Variants in AOX1 observed in about 807,000 individuals in gnomAD.
AOX1 encodes the protein aldehyde oxidase 1.
A neutral mutation model predicts 169.5 loss-of-function variants in AOX1; 153 were observed. The ratio of observed to expected loss-of-function variants is 0.90; its 90% confidence interval spans 0.79 to 1.03. The LOEUF is 1.03. Ranked by LOEUF, AOX1 falls within the 50% of genes least tolerant of loss-of-function variation. The pLI is 0.00. For synonymous variants in AOX1, 562 were observed against 581.9 expected, an observed-to-expected ratio of 0.97 and a Z score of 0.49; for missense variants, 1,656 against 1,663.9, an observed-to-expected ratio of 1.00 and a Z score of 0.08.
Position 200,662,906 on chromosome 2 carries a change from A to G in AOX1, c.3480A>G (p.Glu1160=). Residue 1160 remains glutamate, a synonymous_variant, in exon 31 of 35, where the codon GAA becomes GAG. Coordinates refer to ENST00000374700, the MANE Select transcript of AOX1 (RefSeq NM_001159.4). ...NWEKGEGQPF[E]YFVYGAACSE... is the part of the protein sequence containing the mutation. ...AGAAAGGCGAAGGCCAGCCCTTCGA[A>G]TACTTTGTTTATGGAGCTGCCTGTT... 2.5e-6 allele frequency: 4 copies of G among 1,614,074 alleles called. No individual in the cohort carries two copies. The highest frequency in any genetic ancestry group is 3.4e-6 in the Non-Finnish European group (4 of 1,179,956).
chr2:200,606,286 A>G (rs2034512111), intron 10 of AOX1, among the ~76,000 whole-genome samples: 1 of 152,102 alleles, frequency 6.6e-6, no homozygotes, highest in South Asian at 2.1e-4. Context: ...CAAAGATCAG[A>G]TGGTTGTGGA....
At chr2:200,654,585 A>G (rs1488088028) in intron 26 of AOX1, among the ~76,000 whole-genome samples, 1 of 152,216 alleles carries the variant, frequency 6.6e-6, no homozygotes, top group African/African-American at 2.4e-5. Context: ...TGGCACAGAC[A>G]GGACCTAACC....
intron 18 of AOX1, among the ~76,000 whole-genome samples, chr2:200,621,826 C>T (rs1337726570): frequency 1.3e-5 from 2 of 152,070 alleles, no homozygotes; most frequent in Non-Finnish European, 2.9e-5. Flanking sequence ...GATCTTGGCT[C>T]ACTGCAACAT....
chr2:200,604,724 C>A lies in AOX1; in HGVS notation c.698C>A (p.Thr233Asn), dbSNP rs751391665. 6.2e-7 allele frequency: 1 copy of A among 1,613,986 alleles called. No individual in the cohort carries two copies. Among genetic ancestry groups the A allele is most frequent in the South Asian group, 1.1e-5 (1 of 91,062 alleles). Reference protein sequence around the residue: ...MIMAEKQSQRTRVFGSERMMW... With the variant: ...MIMAEKQSQRNRVFGSERMMW... ...ATGGCTGAGAAACAGTCGCAAAGGA[C>A]CAGGGTGTTTGGCAGTGAGAGAATG... Residue 233 changes from threonine to asparagine, a missense_variant, in exon 9 of 35, where the codon ACC becomes AAC. Coordinates refer to ENST00000374700, the MANE Select transcript of AOX1 (RefSeq NM_001159.4).
chr2:200,600,287 C>T (rs537457290), intron 5 of AOX1, among the ~76,000 whole-genome samples: 13 of 152,166 alleles, frequency 8.5e-5, no homozygotes, highest in Non-Finnish European at 1.9e-4. Flanking sequence ...CCACATGCTG[C>T]TCCCTCACCA....
chr2:200,622,460 C>T (rs2034906404), intron 18 of AOX1, among the ~76,000 whole-genome samples: 1 of 152,226 alleles, frequency 6.6e-6, no homozygotes, highest in Admixed American at 6.5e-5. Context: ...TAATTTGAAA[C>T]AGTCCCTTCC....
chr2:200,594,356 C>T (rs776433784), intron 2 of AOX1, among the ~76,000 whole-genome samples: 3 of 152,102 alleles, frequency 2.0e-5, no homozygotes, highest in Non-Finnish European at 2.9e-5. Context: ...AACAGGGTCC[C>T]TTGGTCAGTT....
chr2:200,681,782 A>G (rs1294720348), downstream of AOX1, among the ~76,000 whole-genome samples: 2 of 152,208 alleles, frequency 1.3e-5, no homozygotes, highest in African/African-American at 4.8e-5. Context: ...ATATTTGGGT[A>G]GCATATGCTT....
At chr2:200,640,208 G>C (rs970696449) in intron 23 of AOX1, among the ~76,000 whole-genome samples, 3 of 152,112 alleles carry the variant, frequency 2.0e-5, no homozygotes, top group Admixed American at 6.6e-5. Flanking sequence ...GTAAAAAATA[G>C]GATTGATGGG....
intron 20 of AOX1, among the ~76,000 whole-genome samples, chr2:200,634,527 C>T (rs1270964163): frequency 2.0e-5 from 3 of 152,158 alleles, no homozygotes; most frequent in African/African-American, 7.2e-5. Context: ...TGAATCAAGA[C>T]CCCTCTGCTT....
At chr2:200,634,941 A>G (rs1319580487) in intron 21 of AOX1, 26 bp downstream of exon 21, 9 of 1,609,276 alleles carry the variant, frequency 5.6e-6, no homozygotes, top group Non-Finnish European at 7.6e-6. Context: ...TGTGGAGAGG[A>G]CATGGCTAAA....
At chr2:200,673,434 A>G (rs1255758528), downstream of AOX1, among the ~76,000 whole-genome samples, 2 of 152,196 alleles carry the variant, frequency 1.3e-5, no homozygotes, top group Non-Finnish European at 2.9e-5. Context: ...GCACACATCT[A>G]TTCAGGCACG....
At chr2:200,595,213 G>T in intron 2 of AOX1, 59 bp from the exon 3 acceptor site, 1 of 1,314,818 alleles carries the variant, frequency 7.6e-7, no homozygotes, top group Non-Finnish European at 1.1e-6. Flanking sequence ...CCTAGTGGCA[G>T]GGCTATTCTA....
chr2:200,672,160 G>A (rs142169097), downstream of AOX1, among the ~76,000 whole-genome samples: 263 of 152,310 alleles, frequency 1.7e-3, no homozygotes, highest in African/African-American at 6.1e-3. Flanking sequence ...GACTGCTAAT[G>A]GATATGGGAT....
Position 200,609,057 on chromosome 2 carries a change from AGAG to A in AOX1, c.985_987del (p.Glu329del), listed in dbSNP as rs1252565039. 1 of 1,613,980 alleles carries A rather than the reference AGAG, an allele frequency of 6.2e-7. No homozygotes were observed. Among genetic ancestry groups the A allele is most frequent in the Admixed American group, 1.7e-5 (1 of 59,970 alleles). Reference sequence around the variant, plus strand: ...TGGCTGATGTAGTCCAGAAGCTTCCAGAGGAGAAGACACAGATGTACCATGCTC... The same window carrying A: ...TGGCTGATGTAGTCCAGAAGCTTCCAGAGAAGACACAGATGTACCATGCTC... On this transcript the variant is annotated inframe_deletion, in exon 11 of 35. Transcript: ENST00000374700.
At chr2:200,619,005 A>G (rs2034825973) in intron 16 of AOX1, among the ~76,000 whole-genome samples, 1 of 152,188 alleles carries the variant, frequency 6.6e-6, no homozygotes, top group African/African-American at 2.4e-5. Context: ...ATGAAATACC[A>G]TTTTAGATGG....
chr2:200,669,786 G>A, intron 34 of AOX1, 44 bp downstream of exon 34: 1 of 1,595,622 alleles, frequency 6.3e-7, no homozygotes, highest in Non-Finnish European at 8.5e-7. Flanking sequence ...ATAAAATTCT[G>A]AATTTTTGGC....
At chr2:200,621,364 G>A (rs2034883613) in intron 18 of AOX1, 118 bp downstream of exon 18, 1 of 968,404 alleles carries the variant, frequency 1.0e-6, no homozygotes, top group Non-Finnish European at 1.5e-6. Flanking sequence ...TTCTTAGAAT[G>A]CTTATTATAA....
chr2:200,621,287 A>AGTTAACG (rs1559242307), intron 18 of AOX1, 41 bp downstream of exon 18: 1 of 1,600,816 alleles, frequency 6.2e-7, no homozygotes, highest in Non-Finnish European at 8.5e-7. Context: ...TAACTTTCTC[A>AGTTAACG]GTTAACGGTG....
Sources: allele counts gnomAD v4.1 joint callset (sites outside exome capture counted in the v4.1 genomes callset), GRCh38; gene constraint gnomAD v4.1.1; transcripts MANE v1.5; gene names NCBI Gene and HGNC (gene_info 2026-07-23, HGNC 2026-07-21).